RHOBTB2: variants seen among roughly 807,000 people sequenced by gnomAD.
The protein encoded by RHOBTB2 is Rho related BTB domain containing 2.
In RHOBTB2, 39 loss-of-function variants were observed where a neutral mutation model predicts 66.5. The observed-to-expected ratio is 0.59, with a 90% CI of 0.45 to 0.77. RHOBTB2 has a LOEUF of 0.77. RHOBTB2 is among the 30% of genes least tolerant of loss of function. The pLI, the probability that RHOBTB2 is intolerant of heterozygous loss-of-function variation, is 0.00. For missense variants in RHOBTB2, 755 were observed against 999.1 expected (o/e 0.76, Z 3.29); for synonymous variants, 390 against 395.0 (o/e 0.99, Z 0.15).
At chr8:22,991,282 C>T (rs1357761822) in intron 1 of RHOBTB2, among the ~76,000 whole-genome samples, 3 of 152,162 alleles carry the variant, frequency 2.0e-5, no homozygotes, top group Non-Finnish European at 2.9e-5. Flanking sequence ...TGTATACTTC[C>T]CACCAGGGTC....
At chr8:23,005,278 GCC>G in intron 2 of RHOBTB2, 92 bp from the exon 3 acceptor site, 1 of 881,214 alleles carries the variant, frequency 1.1e-6, no homozygotes, top group Non-Finnish European at 1.9e-6. Context: ...GATGTCTGGG[GCC>G]CCCAGGTGTC....
chr8:23,006,935 G>C lies in RHOBTB2; in HGVS notation c.690G>C (p.Gln230His), dbSNP rs546039464. 4 of 1,613,178 alleles carry C rather than the reference G, an allele frequency of 2.5e-6. No individual in the cohort carries two copies. The highest frequency in any genetic ancestry group is 1.1e-5 in the South Asian group (1 of 91,076). Residue 230 changes from glutamine to histidine, a missense_variant, in exon 5 of 10, where the codon CAG (glutamine) becomes CAC (histidine). Coordinates refer to ENST00000251822, the MANE Select transcript of RHOBTB2 (RefSeq NM_015178.3). The surrounding 1 kb of genome is among the most constrained non-coding windows in gnomAD (Gnocchi z 6.1). Reference protein sequence around the residue: ...HLRNVQRPLLQAPFLPPKPPP... With the variant: ...HLRNVQRPLLHAPFLPPKPPP... ...GCAATGTGCAGCGGCCTCTGCTGCA[G>C]GCACCCTTCCTACCCCCCAAGCCAC...
chr8:23,018,244 G>A lies in RHOBTB2; in HGVS notation c.*775G>A, dbSNP rs1344939950. 6.6e-6 allele frequency: 1 copy of A among 152,572 alleles called. No homozygotes were observed. Among genetic ancestry groups the A allele is most frequent in the Non-Finnish European group, 1.5e-5 (1 of 68,122 alleles). 9.5% of individuals were successfully genotyped at this position (152,572 alleles called of 1,614,324 possible). On this transcript the variant is annotated 3_prime_UTR_variant, in exon 10 of 10. Coordinates refer to ENST00000251822, the MANE Select transcript of RHOBTB2 (RefSeq NM_015178.3). Reference sequence around the variant, plus strand: ...ACCAAAGGAAGCAGCTGGGACAGGTGGAGAAGGAAGTAGGAATGAGTGCAC... The same window carrying A: ...ACCAAAGGAAGCAGCTGGGACAGGTAGAGAAGGAAGTAGGAATGAGTGCAC...
In RHOBTB2 at chr8:23,020,199, A is replaced by G. The variant is rs777571672; in HGVS notation, c.*2730A>G. 4.7e-5 allele frequency: 21 copies of G among 444,836 alleles called. No homozygotes were observed. The highest frequency in any genetic ancestry group is 5.9e-5 in the Non-Finnish European group (13 of 219,984). 27.6% of individuals were successfully genotyped at this position (444,836 alleles called of 1,614,324 possible). On this transcript the variant is annotated 3_prime_UTR_variant, in exon 10 of 10. Coordinates refer to ENST00000251822, the MANE Select transcript of RHOBTB2 (RefSeq NM_015178.3). ...TAAATACATAAGTATTTTGTACACA[A>G]TGTGCTTCCTTGTTTGTATTATAAC...
At chr8:22,974,626 A>G in the RHOBTB2 span, among the ~76,000 whole-genome samples, 3 of 152,312 alleles carry the variant, frequency 2.0e-5, no homozygotes, top group South Asian at 2.1e-4. Flanking sequence ...CCTAGAAGCT[A>G]TAAGGCCAGG....
the RHOBTB2 span, among the ~76,000 whole-genome samples, chr8:22,965,375 A>C: frequency 1.3e-5 from 2 of 152,182 alleles, no homozygotes; most frequent in Admixed American, 1.3e-4. Flanking sequence ...TTAATGATTT[A>C]ATGCAATCCC....
At chr8:22,994,608 G>A (rs1446082028), upstream of RHOBTB2, 8 of 1,551,470 alleles carry the variant, frequency 5.2e-6, 1 homozygote, top group South Asian at 2.4e-5. Context: ...AAAAGGCCCC[G>A]ATGGCCCCCA....
intron 2 of RHOBTB2, among the ~76,000 whole-genome samples, chr8:22,992,431 G>A (rs1319182616): frequency 2.6e-5 from 4 of 152,206 alleles, no homozygotes; most frequent in Non-Finnish European, 5.9e-5. Flanking sequence ...CAGCTCTGCA[G>A]GGCTTAAGGA....
the RHOBTB2 span, among the ~76,000 whole-genome samples, chr8:22,960,014 A>AC: frequency 6.7e-6 from 1 of 150,006 alleles, no homozygotes; most frequent in South Asian, 2.1e-4. Context: ...AAAAAAAAAA[A>AC]AAAAAAATAC....
At chr8:23,005,938 A>AACGTT in intron 3 of RHOBTB2, 22 bp from the exon 4 acceptor site, 1 of 1,601,250 alleles carries the variant, frequency 6.2e-7, no homozygotes, top group South Asian at 1.1e-5. Context: ...CTCTGCCCGT[A>AACGTT]ACCTTACTTT....
chr8:23,009,170 A>G (rs56026395), intron 6 of RHOBTB2, among the ~76,000 whole-genome samples: 14 of 138,198 alleles, frequency 1.0e-4, no homozygotes, highest in Non-Finnish European at 1.2e-4. Flanking sequence ...AAAAGAAAAA[A>G]AGAGAGAGAG....
chr8:23,013,259 A>G (rs1811198491), intron 7 of RHOBTB2, among the ~76,000 whole-genome samples: 1 of 151,924 alleles, frequency 6.6e-6, no homozygotes, highest in African/African-American at 2.4e-5. Flanking sequence ...TTATAAAGAA[A>G]ATGCCTTTCT....
chr8:23,000,212 C>T, intron 1 of RHOBTB2, 107 bp downstream of exon 1: 2 of 750,034 alleles, frequency 2.7e-6, no homozygotes, highest in Non-Finnish European at 3.3e-6. Flanking sequence ...TTCCCCGGGC[C>T]CCGCTAGTCC....
At chr8:22,998,615 T>C (rs1810646713), upstream of RHOBTB2, among the ~76,000 whole-genome samples, 1 of 148,638 alleles carries the variant, frequency 6.7e-6, no homozygotes. Flanking sequence ...GCACTTGTAG[T>C]CCCAGCTACT....
At chr8:23,013,904 G>A (rs1277159926) in intron 7 of RHOBTB2, among the ~76,000 whole-genome samples, 1 of 152,166 alleles carries the variant, frequency 6.6e-6, no homozygotes, top group East Asian at 1.9e-4. Context: ...GCACTCTTTG[G>A]CTTGACTCCA....
rs1440511094 is a variant in RHOBTB2, at chr8:23,017,127, T to G, written c.1967-125T>G. 118 of 1,247,608 alleles carry G rather than the reference T, an allele frequency of 9.5e-5. 1 individual carries two copies. The East Asian group carries it at 2.6e-3, about 27-fold the overall frequency. 77.3% of individuals were successfully genotyped at this position (1,247,608 alleles called of 1,614,324 possible). ...TCGGAGGCTCATGTGCCGTGGGTCA[T>G]GGGGATGTGCTGGGGGCTGGGCTGG... On this transcript the variant is annotated intron_variant, in intron 9 of 9. Coordinates refer to ENST00000251822, the MANE Select transcript of RHOBTB2 (RefSeq NM_015178.3). This position sits in a 1 kb window ranked among gnomAD's most constrained non-coding sequence, Gnocchi z 5.3.
At chr8:22,981,235 GA>G in the RHOBTB2 span, among the ~76,000 whole-genome samples, 1 of 152,234 alleles carries the variant, frequency 6.6e-6, no homozygotes, top group Non-Finnish European at 1.5e-5. Flanking sequence ...ACTCATTCAA[GA>G]AATGCTTACT....
chr8:22,957,715 C>G, the RHOBTB2 span, among the ~76,000 whole-genome samples: 1 of 152,192 alleles, frequency 6.6e-6, no homozygotes, highest in African/African-American at 2.4e-5. Flanking sequence ...ACAAAGTTTT[C>G]CAAAGCTTAT....
In RHOBTB2 at chr8:23,014,823, C is replaced by G. The variant is rs762186599; in HGVS notation, c.1860+45C>G. On this transcript the variant is annotated intron_variant, in intron 8 of 9. Transcript: ENST00000251822. ...AATCTACAACAGTCTCAGTTCTACACTCTGCCTGCCCATTGGCTGCGAATG... is the reference window on the plus strand; with the variant it reads ...AATCTACAACAGTCTCAGTTCTACAGTCTGCCTGCCCATTGGCTGCGAATG... The G allele has an allele frequency of 2.0e-6, 3 of 1,490,838 alleles. No homozygotes were observed. In the African/African-American group the frequency reaches 4.1e-5, roughly 21 times the overall value. 92.4% of individuals were successfully genotyped at this position (1,490,838 alleles called of 1,614,324 possible).
Sources: allele counts gnomAD v4.1 joint callset (sites outside exome capture counted in the v4.1 genomes callset), GRCh38; gene constraint gnomAD v4.1.1; non-coding constraint Gnocchi (gnomAD v3.1); transcripts MANE v1.5; gene names NCBI Gene and HGNC (gene_info 2026-07-23, HGNC 2026-07-21).